MLIP: variants seen among roughly 807,000 people sequenced by gnomAD.
MLIP encodes muscular LMNA-interacting protein.
In MLIP, 79 loss-of-function variants were observed where a neutral mutation model predicts 84.8. The ratio of observed to expected loss-of-function variants is 0.93; its 90% CI spans 0.78 to 1.12. The LOEUF (loss-of-function observed/expected upper bound fraction) is 1.12, where lower values mean the gene tolerates loss of function less well. Ranked by LOEUF, MLIP falls within the 50% of genes most tolerant of loss-of-function variation. The pLI is 0.00. For missense variants in MLIP, 1,257 were observed against 1,160.6 expected (o/e 1.08, Z -1.21); for synonymous variants, 504 against 463.0 (o/e 1.09, Z -1.14).
chr6:54,249,940 T>C (rs1782352864), intron 12 of MLIP, among the ~76,000 whole-genome samples: 1 of 151,966 alleles, frequency 6.6e-6, no homozygotes, highest in South Asian at 2.1e-4. Context: ...CTGACTGTCT[T>C]CATCCTCCCA....
intron 1 of MLIP, among the ~76,000 whole-genome samples, chr6:54,104,505 C>G (rs1768874202): frequency 6.6e-6 from 1 of 152,072 alleles, no homozygotes; most frequent in South Asian, 2.1e-4. Flanking sequence ...TTCATTTATT[C>G]AATTCATATT....
At chr6:54,200,929 G>A (rs1216010116) in intron 10 of MLIP, among the ~76,000 whole-genome samples, 1 of 152,094 alleles carries the variant, frequency 6.6e-6, no homozygotes, top group East Asian at 1.9e-4. Context: ...GTCCCTTAAG[G>A]CTTAACTTGT....
At chr6:54,131,832 T>G (rs750081671) in intron 3 of MLIP, among the ~76,000 whole-genome samples, 85 of 152,192 alleles carry the variant, frequency 5.6e-4, no homozygotes, top group Non-Finnish European at 1.1e-3. Flanking sequence ...AATTTTTTGG[T>G]CAATAATTTG....
upstream of MLIP, among the ~76,000 whole-genome samples, chr6:54,109,917 CT>C: frequency 8.0e-6 from 1 of 124,538 alleles, no homozygotes; most frequent in African/African-American, 2.9e-5. Context: ...CTTTTTCTTT[CT>C]TTCTTTCTTC....
At chr6:54,233,848 T>C (rs1582581082) in intron 12 of MLIP, among the ~76,000 whole-genome samples, 2 of 152,220 alleles carry the variant, frequency 1.3e-5, no homozygotes, top group African/African-American at 4.8e-5. Context: ...CCAGATCTTC[T>C]CCAGCCTCTG....
At chr6:54,132,992 T>G (rs1455858238) in intron 3 of MLIP, among the ~76,000 whole-genome samples, 3 of 152,212 alleles carry the variant, frequency 2.0e-5, no homozygotes, top group African/African-American at 7.2e-5. Flanking sequence ...AATGAAGGTT[T>G]GCTAAGTTGA....
chr6:54,242,412 G>C (rs535725990), intron 12 of MLIP, among the ~76,000 whole-genome samples: 1 of 152,248 alleles, frequency 6.6e-6, no homozygotes, highest in East Asian at 1.9e-4. Context: ...TTGCTACTCA[G>C]AGAATTGACC....
chr6:54,101,959 G>A (rs1286712990), intron 1 of MLIP, among the ~76,000 whole-genome samples: 2 of 152,104 alleles, frequency 1.3e-5, no homozygotes, highest in Non-Finnish European at 2.9e-5. Context: ...GTATTCCTCC[G>A]AGTGTAGTTC....
intron 3 of MLIP, among the ~76,000 whole-genome samples, chr6:54,128,132 C>T (rs1771080395): frequency 6.6e-6 from 1 of 152,088 alleles, no homozygotes; most frequent in Non-Finnish European, 1.5e-5. Context: ...ATGTTGGCAT[C>T]ATTAATTGAA....
chr6:54,262,810 A>T (rs1783471417), intron 13 of MLIP, among the ~76,000 whole-genome samples: 1 of 152,030 alleles, frequency 6.6e-6, no homozygotes, highest in Non-Finnish European at 1.5e-5. Context: ...GGAGGAGGGA[A>T]ATCTCTCCCC....
At chr6:54,092,841 G>T (rs1336905082) in intron 1 of MLIP, among the ~76,000 whole-genome samples, 1 of 152,014 alleles carries the variant, frequency 6.6e-6, no homozygotes. Flanking sequence ...TGGTTTTATT[G>T]CAGGGAAGAT....
chr6:54,081,380 T>G (rs1052500845), intron 1 of MLIP, among the ~76,000 whole-genome samples: 1 of 135,588 alleles, frequency 7.4e-6, no homozygotes, highest in African/African-American at 2.5e-5. Flanking sequence ...TCAATCAATG[T>G]TGGGGTCCAC....
intron 1 of MLIP, among the ~76,000 whole-genome samples, chr6:54,054,391 A>G (rs1469274600): frequency 6.7e-6 from 1 of 148,694 alleles, no homozygotes; most frequent in Non-Finnish European, 1.5e-5. Context: ...CGAAGTCTCT[A>G]CTTTCTTTCG....
At chr6:54,210,214 C>T (rs1223506941) in intron 11 of MLIP, among the ~76,000 whole-genome samples, 1 of 152,366 alleles carries the variant, frequency 6.6e-6, no homozygotes, top group Non-Finnish European at 1.5e-5. Context: ...TTCCTACATA[C>T]GTTTCAGTTC....
At chr6:54,200,442 G>A (rs1778592350) in intron 10 of MLIP, among the ~76,000 whole-genome samples, 2 of 151,934 alleles carry the variant, frequency 1.3e-5, no homozygotes, top group Admixed American at 6.6e-5. Context: ...TAGAAGAGAA[G>A]GAGAAAGTGC....
At chr6:54,026,987 C>T (rs992112894) in intron 1 of MLIP, among the ~76,000 whole-genome samples, 1 of 152,144 alleles carries the variant, frequency 6.6e-6, no homozygotes, top group Non-Finnish European at 1.5e-5. Context: ...CAAAAGTGCT[C>T]TCTGGCTGTG....
At chr6:54,169,720 A>C in intron 9 of MLIP, 148 bp downstream of exon 9, 1 of 451,310 alleles carries the variant, frequency 2.2e-6, no homozygotes, top group Non-Finnish European at 3.8e-6. Flanking sequence ...GATACAGAAA[A>C]TCAGGTTATG....
At chr6:54,188,623 T>C (rs1582445416) in intron 9 of MLIP, among the ~76,000 whole-genome samples, 1 of 152,178 alleles carries the variant, frequency 6.6e-6, no homozygotes, top group East Asian at 1.9e-4. Flanking sequence ...ATGAGGTCCA[T>C]CATCAACTGA....
At chr6:54,213,707 CAAAAAAAAAAAAA>C (rs1219772069) in intron 11 of MLIP, among the ~76,000 whole-genome samples, 1 of 8,474 alleles carries the variant, frequency 1.2e-4, no homozygotes, top group African/African-American at 4.3e-4. Flanking sequence ...GACTTTGTCT[CAAAAAAAAAAAAA>C]AAAAAAAAAA....
Sources: gnomAD v4.1 joint callset for allele counts (sites outside exome capture counted in the v4.1 genomes callset) on GRCh38, gnomAD v4.1.1 for gene constraint, MANE v1.5 for transcripts, NCBI Gene and HGNC (gene_info 2026-07-23, HGNC 2026-07-21) for gene names.